The following PRX variants were observed in gnomAD, a reference collection of about 807,000 sequenced individuals.
The protein encoded by PRX is periaxin.
PRX carries 24 observed loss-of-function variants against 29.6 expected under a neutral mutation model. The ratio of observed to expected loss-of-function variants is 0.81; its 90% CI spans 0.59 to 1.14. The LOEUF is 1.14. Ranked by LOEUF, PRX falls within the 50% of genes most tolerant of loss-of-function variation. PRX has a pLI of 0.00. For missense variants in PRX, 1,838 were observed against 1,926.4 expected, an observed-to-expected ratio of 0.95 and a Z score of 0.86; for synonymous variants, 772 against 831.7, an observed-to-expected ratio of 0.93 and a Z score of 1.24.
chr19:40,408,816 G>GGGGTGT (rs1555802635), intron 1 of PRX, among the ~76,000 whole-genome samples: 19 of 143,306 alleles, frequency 1.3e-4, no homozygotes, highest in Non-Finnish European at 2.4e-4. Context: ...TGTTGTTGGT[G>GGGGTGT]GTGTGTGTGT....
chr19:40,403,580 T>A, intron 5 of PRX, 126 bp downstream of exon 5: 1 of 1,240,388 alleles, frequency 8.1e-7, no homozygotes, highest in Non-Finnish European at 1.1e-6. Context: ...CCCAAGCCCT[T>A]AACCCCTCCT....
At chr19:40,405,375 A>T (rs544952198) in intron 4 of PRX, among the ~76,000 whole-genome samples, 2 of 152,240 alleles carry the variant, frequency 1.3e-5, no homozygotes, top group African/African-American at 4.8e-5. Context: ...AGGAGGTTGC[A>T]GTAGGGATCT....
Position 40,396,545 on chromosome 19 carries a change from C to A in PRX, c.1807G>T (p.Val603Leu). 1 of 1,612,540 alleles carries A rather than the reference C, an allele frequency of 6.2e-7. No homozygotes were observed. Among genetic ancestry groups the A allele is most frequent in the African/African-American group, 1.3e-5 (1 of 74,458 alleles). ...MKLPEMKLPE[V>L]QLPKVPEMAV... is the part of the protein sequence containing the mutation. ...ATCTCGGGCACCTTCGGGAGTTGCA[C>A]TTCAGGGAGTTTCATCTCAGGAAGT... The change falls in exon 7 of 7, where the codon GTG (valine) becomes TTG (leucine). Residue 603 changes from valine (V) to leucine (L), a missense_variant. Coordinates refer to ENST00000324001, the MANE Select transcript of PRX (RefSeq NM_181882.3).
At chr19:40,401,292 T>C (rs1231846550) in intron 5 of PRX, among the ~76,000 whole-genome samples, 1 of 152,154 alleles carries the variant, frequency 6.6e-6, no homozygotes, top group East Asian at 1.9e-4. Context: ...TACTGTTTGT[T>C]GTTGTTGGCC....
At chr19:40,403,602 A>G in intron 5 of PRX, 104 bp downstream of exon 5, 2 of 1,380,262 alleles carry the variant, frequency 1.4e-6, no homozygotes, top group South Asian at 2.9e-5. Flanking sequence ...GTCGCCGGTC[A>G]CGCCCCCATC....
At chr19:40,407,539 G>A (rs183814614) in intron 4 of PRX, 10 of 380,000 alleles carry the variant, frequency 2.6e-5, no homozygotes, top group Middle Eastern at 8.2e-4. Flanking sequence ...AGGCTTTAGC[G>A]ATCCTCCTGC....
chr19:40,407,203 T>A (rs2079535105), intron 4 of PRX, among the ~76,000 whole-genome samples: 1 of 142,442 alleles, frequency 7.0e-6, no homozygotes, highest in Non-Finnish European at 1.5e-5. Flanking sequence ...ACTCCTACAT[T>A]ATATGCCCTT....
rs541213273 is a variant in PRX at position 40,408,333 on chromosome 19, C to T, written c.-199+7G>A. On this transcript the variant is annotated splice_region_variant and intron_variant, in intron 2 of 6. Coordinates refer to ENST00000324001, the MANE Select transcript of PRX (RefSeq NM_181882.3). ...GGGAGGGGCATATGGCACCAGCCTG[C>T]GCTCACCTGAGGGTCACCTCCAGCT... 1.8e-4 allele frequency: 67 copies of T among 368,442 alleles called. No homozygotes were observed. The highest frequency in any genetic ancestry group is 3.1e-4 in the Non-Finnish European group (59 of 193,162). The allele number at this position is 368,442 out of a possible 1,614,324, so 22.8% of individuals were successfully genotyped here.
intron 5 of PRX, among the ~76,000 whole-genome samples, chr19:40,402,179 C>T (rs1363675353): frequency 7.3e-5 from 11 of 151,284 alleles, no homozygotes; most frequent in Admixed American, 6.6e-4. Flanking sequence ...GGTGAAACCC[C>T]GTCTCTACTA....
In PRX at chr19:40,396,104, C is replaced by T; in HGVS notation, c.2248G>A (p.Val750Met). ...VHLPEVQLPK[V>M]SEIRLPEMQV... ...ATTTCCGGCAGCCGAATCTCTGACA[C>T]TTTCGGCAGCTGCACCTCGGGGAGG... is the stretch of plus-strand genomic sequence containing the variant. The change falls in exon 7 of 7, where the codon GTG becomes ATG. Residue 750 changes from valine (V) to methionine (M), a missense_variant. Around this residue, in one of 3 missense-constraint regions of PRX, gnomAD observed 1,143 missense variants for 1,193.0 expected, o/e 0.96. Coordinates refer to ENST00000324001, the MANE Select transcript of PRX (RefSeq NM_181882.3). The T allele has an allele frequency of 6.2e-7, 1 of 1,614,234 alleles. No individual in the cohort carries two copies. Among genetic ancestry groups the T allele is most frequent in the Non-Finnish European group, 8.5e-7 (1 of 1,180,046 alleles).
At position 40,396,189 on chromosome 19, in the gene PRX, G is replaced by A. The variant is rs1289527796; in HGVS notation, c.2163C>T (p.Asp721=). The A allele has an allele frequency of 6.3e-7, 1 of 1,587,734 alleles. No individual in the cohort carries two copies. Among genetic ancestry groups the A allele is most frequent in the African/African-American group, 1.4e-5 (1 of 68,998 alleles). ...GGAGTTTTATCTCTGGGAGCTTCAT[G>A]TCAGGGACTTTCATTTCACAGACTT... The part of the protein sequence containing the change: ...LPKVCEMKVP[D]MKLPEIKLPK... The change falls in exon 7 of 7, where the codon GAC becomes GAT. Residue 721 remains aspartate (D), a synonymous_variant. Coordinates refer to ENST00000324001, the MANE Select transcript of PRX (RefSeq NM_181882.3).
rs2079430394 is a variant in PRX at position 40,395,952 on chromosome 19, C to T, written c.2400G>A (p.Lys800=). Residue 800 remains lysine (K), a synonymous_variant, in exon 7 of 7, where the codon AAG becomes AAA. Transcript: ENST00000324001. ...GCTTGGGCATGGTCATCTTGGGCAT[C>T]TTGAAGCCAAATTCCATCCCTTCTG... is the stretch of plus-strand genomic sequence containing the variant. ...EQAEGMEFGF[K]MPKMTMPKLG... The T allele has an allele frequency of 6.2e-6, 10 of 1,614,182 alleles. No individual in the cohort carries two copies. The Middle Eastern group carries it at 1.3e-3, about 213-fold the overall frequency.
intron 5 of PRX, among the ~76,000 whole-genome samples, chr19:40,399,861 TTC>T (rs1384588455): frequency 4.8e-5 from 3 of 62,678 alleles, no homozygotes; most frequent in South Asian, 4.6e-4. Flanking sequence ...CTTTCTTTCT[TTC>T]TTTCTTTCTT....
intron 5 of PRX, among the ~76,000 whole-genome samples, chr19:40,399,449 AC>A (rs1216018017): frequency 6.6e-6 from 1 of 152,156 alleles, no homozygotes; most frequent in Non-Finnish European, 1.5e-5. Context: ...TGGCATTGTT[AC>A]CAGTTCTCCA....
At chr19:40,405,912 C>T (rs2079527584) in intron 4 of PRX, among the ~76,000 whole-genome samples, 1 of 151,490 alleles carries the variant, frequency 6.6e-6, no homozygotes, top group Admixed American at 6.6e-5. Context: ...GCTGAGATGA[C>T]AGGCATGAGC....
In PRX at chr19:40,398,386, C is replaced by G; in HGVS notation, c.381+234G>C. 6.9e-7 allele frequency: 1 copy of G among 1,448,012 alleles called. No homozygotes were observed. Among genetic ancestry groups the G allele is most frequent in the East Asian group, 2.4e-5 (1 of 40,916 alleles). The allele number at this position is 1,448,012 out of a possible 1,614,324, so 89.7% of individuals were successfully genotyped here. On this transcript the variant is annotated intron_variant, in intron 6 of 6. Coordinates refer to ENST00000324001, the MANE Select transcript of PRX (RefSeq NM_181882.3). This position sits in a 1 kb window ranked among gnomAD's most constrained non-coding sequence, Gnocchi z 6.3. ...TTCAGGACCCCTAGCAAGCCTGGAT[C>G]CGATGGTGGGGACGCCTCTCCGAGG...
At position 40,398,950 on chromosome 19, in the gene PRX, A is replaced by T; in HGVS notation, c.185-134T>A. The stretch of plus-strand genomic sequence containing the variant: ...TAGTTTCTCCAATCCCCAGCGCAGG[A>T]TTAAGTCGCAGTTACGCTAGTCCCC... On this transcript the variant is annotated intron_variant, in intron 5 of 6. Coordinates refer to ENST00000324001, the MANE Select transcript of PRX (RefSeq NM_181882.3). This position sits in a 1 kb window ranked among gnomAD's most constrained non-coding sequence, Gnocchi z 6.3. The T allele has an allele frequency of 6.6e-7, 1 of 1,511,406 alleles. No homozygotes were observed. Among genetic ancestry groups the T allele is most frequent in the Non-Finnish European group, 8.9e-7 (1 of 1,128,590 alleles). The allele number at this position is 1,511,406 out of a possible 1,614,324, so 93.6% of individuals were successfully genotyped here.
Position 40,393,963 on chromosome 19 carries a change from G to C in PRX, c.*3C>G, listed in dbSNP as rs2079402675. The stretch of plus-strand genomic sequence containing the variant: ...AGAAGGGATCCCCATCTGACTAGGG[G>C]CTTCAGACAGCCGCAGCCTGAGCCC... On this transcript the variant is annotated 3_prime_UTR_variant, in exon 7 of 7. Coordinates refer to ENST00000324001, the MANE Select transcript of PRX (RefSeq NM_181882.3). 6.2e-7 allele frequency: 1 copy of C among 1,611,292 alleles called. No homozygotes were observed. The highest frequency in any genetic ancestry group is 1.7e-5 in the Admixed American group (1 of 59,986).
At chr19:40,408,816 GGTGTGTGT>G (rs575859236) in intron 1 of PRX, among the ~76,000 whole-genome samples, 31 of 143,396 alleles carry the variant, frequency 2.2e-4, no homozygotes, top group African/African-American at 7.1e-4. Context: ...TGTTGTTGGT[GGTGTGTGT>G]GTGTGTGTGT....
Sources: gnomAD v4.1 joint callset for allele counts (sites outside exome capture counted in the v4.1 genomes callset) on GRCh38, gnomAD v4.1.1 for gene constraint, gnomAD v4.1.1 regional missense constraint, Gnocchi (gnomAD v3.1) non-coding constraint, MANE v1.5 for transcripts, NCBI Gene and HGNC (gene_info 2026-07-23, HGNC 2026-07-21) for gene names.